CNTNAP2: variants seen among roughly 807,000 people sequenced by gnomAD.
The protein encoded by CNTNAP2 is contactin-associated protein-like 2.
Under a neutral mutation model 155.2 loss-of-function variants are expected in CNTNAP2, and 98 were observed. The observed-to-expected ratio is 0.63, with a 90% CI of 0.54 to 0.75. CNTNAP2 has a LOEUF of 0.75. Ranked by LOEUF, CNTNAP2 falls within the 30% of genes least tolerant of loss-of-function variation. CNTNAP2 has a pLI of 0.00. For synonymous variants in CNTNAP2, 651 were observed against 631.2 expected, an observed-to-expected ratio of 1.03 and a Z score of -0.47; for missense variants, 1,727 against 1,688.1, an observed-to-expected ratio of 1.02 and a Z score of -0.40.
intron 21 of CNTNAP2, among the ~76,000 whole-genome samples, chr7:148,356,080 A>T (rs1798507309): frequency 6.6e-6 from 1 of 152,244 alleles, no homozygotes; most frequent in Non-Finnish European, 1.5e-5. Context: ...CACATAGACT[A>T]TAATGACACT....
Position 146,806,334 on chromosome 7 carries a change from C to CAA in CNTNAP2, c.208+31965_208+31966dup, listed in dbSNP as rs111572841. Among the ~76,000 whole-genome samples, 508 of 136,688 alleles carry CAA rather than the reference C, an allele frequency of 3.7e-3. 4 individuals are homozygous for CAA. The highest frequency in any genetic ancestry group is 0.013 in the African/African-American group (488 of 37,488). 89.7% of individuals were successfully genotyped at this position (136,688 alleles called of 152,430 possible). A position where few individuals can be genotyped will look rare whatever the true frequency, so the allele number is the denominator to read the frequency against. ...TGTGAAACCCTGTCTCTACTAAATA[C>CAA]AAAAAAAAAAAAATAGCTGGGCATG... On this transcript the variant is annotated intron_variant, in intron 2 of 23. Coordinates refer to ENST00000361727, the MANE Select transcript of CNTNAP2 (RefSeq NM_014141.6).
At chr7:147,858,974 G>A (rs1270486775) in intron 13 of CNTNAP2, among the ~76,000 whole-genome samples, 1 of 152,090 alleles carries the variant, frequency 6.6e-6, no homozygotes, top group East Asian at 1.9e-4. Flanking sequence ...TCTATATAAG[G>A]CTATGTCAGA....
intron 11 of CNTNAP2, among the ~76,000 whole-genome samples, chr7:147,494,191 A>T (rs6960069): frequency 2.0e-5 from 3 of 151,982 alleles, no homozygotes; most frequent in Non-Finnish European, 4.4e-5. Context: ...AGAGCTGTGA[A>T]AGTACTACCT....
At chr7:147,277,775 CTT>C (rs61529022) in intron 8 of CNTNAP2, among the ~76,000 whole-genome samples, 1 of 147,832 alleles carries the variant, frequency 6.8e-6, no homozygotes, top group Admixed American at 6.8e-5. Context: ...GTTCAAACTT[CTT>C]TTTTTTTTTA....
At chr7:146,380,853 A>T (rs371622377) in intron 1 of CNTNAP2, among the ~76,000 whole-genome samples, 1 of 111,958 alleles carries the variant, frequency 8.9e-6, no homozygotes, top group South Asian at 3.2e-4. Context: ...GCTGGAGTGC[A>T]GTGGCGCAAT....
intron 13 of CNTNAP2, among the ~76,000 whole-genome samples, chr7:147,669,051 C>T (rs1414095522): frequency 1.3e-5 from 2 of 152,012 alleles, no homozygotes; most frequent in Non-Finnish European, 2.9e-5. Context: ...CCTAAGGTAT[C>T]CAGTACAGCA....
chr7:148,168,568 G>C (rs1038735609), intron 17 of CNTNAP2, among the ~76,000 whole-genome samples: 4 of 125,800 alleles, frequency 3.2e-5, no homozygotes, highest in South Asian at 3.3e-4. Context: ...GTTGTGGGGT[G>C]GGGGGAGGGG....
intron 1 of CNTNAP2, among the ~76,000 whole-genome samples, chr7:146,670,082 G>A (rs887267257): frequency 2.6e-5 from 4 of 152,132 alleles, no homozygotes; most frequent in African/African-American, 9.7e-5. Context: ...ATATTTTAGT[G>A]TATGTATTTG....
At chr7:147,094,178 G>C (rs1391621906) in intron 4 of CNTNAP2, among the ~76,000 whole-genome samples, 1 of 151,842 alleles carries the variant, frequency 6.6e-6, no homozygotes, top group African/African-American at 2.4e-5. Context: ...ATCTCTTCCT[G>C]AGTTCTGCAA....
At chr7:146,175,145 G>C (rs908200028) in intron 1 of CNTNAP2, among the ~76,000 whole-genome samples, 1 of 152,144 alleles carries the variant, frequency 6.6e-6, no homozygotes, top group Non-Finnish European at 1.5e-5. Flanking sequence ...GAAATGGGTA[G>C]ATCATCTGGT....
At chr7:148,185,219 G>C (rs1795097991) in intron 18 of CNTNAP2, among the ~76,000 whole-genome samples, 1 of 152,190 alleles carries the variant, frequency 6.6e-6, no homozygotes, top group South Asian at 2.1e-4. Flanking sequence ...GTTCATGACA[G>C]GCAGTACTGT....
Position 148,351,724 on chromosome 7 carries a change from C to T in CNTNAP2, c.3476-31925C>T, listed in dbSNP as rs1798429141. Among the ~76,000 whole-genome samples the T allele has an allele frequency of 3.8e-5, 4 of 106,254 alleles. No homozygotes were observed. The Admixed American group carries it at 4.2e-4, about 11-fold the overall frequency. The allele number at this position is 106,254 out of a possible 152,430, so 69.7% of individuals were successfully genotyped here. ...CGCCTCTGCACTCCAGCCTGGGCAACAGAGTGAGACTCTGTCTCACAAAAA... is the reference window on the plus strand; with the variant it reads ...CGCCTCTGCACTCCAGCCTGGGCAATAGAGTGAGACTCTGTCTCACAAAAA... On this transcript the variant is annotated intron_variant, in intron 21 of 23. Coordinates refer to ENST00000361727, the MANE Select transcript of CNTNAP2 (RefSeq NM_014141.6).
chr7:146,237,251 G>A (rs1215115482), intron 1 of CNTNAP2, among the ~76,000 whole-genome samples: 4 of 152,072 alleles, frequency 2.6e-5, no homozygotes, highest in African/African-American at 9.7e-5. Context: ...GATACAAAAG[G>A]GAATGTTCTC....
chr7:147,082,875 T>A (rs879719098), intron 4 of CNTNAP2: 1 of 152,160 alleles, frequency 6.6e-6, no homozygotes, highest in Non-Finnish European at 1.5e-5. Flanking sequence ...CTGCGTGTCC[T>A]GAGCCTGGCT....
At chr7:147,784,527 ATATATATATATATATATATATATG>A (rs1315830361) in intron 13 of CNTNAP2, among the ~76,000 whole-genome samples, 75 of 64,130 alleles carry the variant, frequency 1.2e-3, no homozygotes, top group Non-Finnish European at 1.8e-3. Context: ...ATATATATAT[ATATATATATATATATATATATATG>A]AGTTTTTTTG....
intron 15 of CNTNAP2, among the ~76,000 whole-genome samples, chr7:148,055,319 G>A (rs77122915): frequency 0.041 from 6,181 of 152,252 alleles, 167 homozygotes; most frequent in South Asian, 0.12. Flanking sequence ...TTTGAAGTGC[G>A]TTGGGTTGGA....
At chr7:147,835,741 C>T (rs1434754674) in intron 13 of CNTNAP2, among the ~76,000 whole-genome samples, 1 of 152,148 alleles carries the variant, frequency 6.6e-6, no homozygotes, top group Non-Finnish European at 1.5e-5. Context: ...TTAAGATCAT[C>T]CTGGACTTAG....
At position 146,872,138 on chromosome 7, in the gene CNTNAP2, CT is replaced by C. The variant is rs751236533; in HGVS notation, c.402+32238del. Reference sequence around the variant, plus strand: ...ATTACATTGGTACTTATCTCTTTCCCTTTTGGGCCAGTTAAATTATTGAATT... The same window carrying C: ...ATTACATTGGTACTTATCTCTTTCCCTTTGGGCCAGTTAAATTATTGAATT... On this transcript the variant is annotated intron_variant, in intron 3 of 23. Transcript: ENST00000361727. Among the ~76,000 whole-genome samples, 119 of 147,472 alleles carry C rather than the reference CT, an allele frequency of 8.1e-4. 2 individuals are homozygous for C. Among genetic ancestry groups the C allele is most frequent in the Middle Eastern group, 3.5e-3 (1 of 284 alleles).
At chr7:147,348,816 A>C (rs1314135764) in intron 9 of CNTNAP2, among the ~76,000 whole-genome samples, 2 of 152,074 alleles carry the variant, frequency 1.3e-5, no homozygotes, top group Non-Finnish European at 2.9e-5. Flanking sequence ...TCACCTATTA[A>C]AAAGAATGAA....
Sources: gnomAD v4.1 joint callset for allele counts (sites outside exome capture counted in the v4.1 genomes callset) on GRCh38, gnomAD v4.1.1 for gene constraint, MANE v1.5 for transcripts, NCBI Gene and HGNC (gene_info 2026-07-23, HGNC 2026-07-21) for gene names.